The following GPC5 variants were observed in gnomAD, a reference collection of about 807,000 sequenced individuals.
GPC5 encodes the protein glypican 5.
In GPC5, 47 loss-of-function variants were observed where a neutral mutation model predicts 53.9. That is an observed-to-expected ratio of 0.87 (90% CI 0.69 to 1.11). GPC5 has a LOEUF of 1.11. GPC5 is among the 50% of genes most tolerant of loss of function. The pLI is 0.00. For synonymous variants in GPC5, 286 were observed against 263.3 expected (o/e 1.09, Z -0.84); for missense variants, 748 against 713.1 (o/e 1.05, Z -0.56).
chr13:91,831,227 G>A (rs1267946467), intron 5 of GPC5, among the ~76,000 whole-genome samples: 1 of 151,080 alleles, frequency 6.6e-6, no homozygotes, highest in Admixed American at 6.7e-5. Flanking sequence ...CCAAAACTTG[G>A]AGTCTGATGT....
chr13:92,493,117 T>G (rs1194758669), intron 7 of GPC5, among the ~76,000 whole-genome samples: 1 of 152,208 alleles, frequency 6.6e-6, no homozygotes, highest in African/African-American at 2.4e-5. Context: ...ATGACATTAT[T>G]TTTTAATGGA....
At chr13:91,772,833 CTA>C (rs1015279998) in intron 5 of GPC5, among the ~76,000 whole-genome samples, 1 of 152,184 alleles carries the variant, frequency 6.6e-6, no homozygotes, top group African/African-American at 2.4e-5. Context: ...GTCCCAGATT[CTA>C]TGTTTTAAGG....
At chr13:92,718,004 CA>C (rs1348492400) in intron 7 of GPC5, among the ~76,000 whole-genome samples, 1 of 140,780 alleles carries the variant, frequency 7.1e-6, no homozygotes, top group Non-Finnish European at 1.7e-5. Flanking sequence ...AATGAGATAT[CA>C]TCTCACCCCA....
chr13:92,004,611 A>G (rs935189043), intron 6 of GPC5, among the ~76,000 whole-genome samples: 3 of 151,334 alleles, frequency 2.0e-5, no homozygotes, highest in Admixed American at 6.6e-5. Context: ...GTCACAATTT[A>G]CATTAGTACA....
intron 7 of GPC5, among the ~76,000 whole-genome samples, chr13:92,812,276 T>C (rs569211272): frequency 9.9e-4 from 150 of 151,954 alleles, no homozygotes; most frequent in Non-Finnish European, 2.0e-3. Context: ...TTATAGTTTT[T>C]AGTATACAGT....
intron 7 of GPC5, among the ~76,000 whole-genome samples, chr13:92,589,469 A>T (rs753030785): frequency 2.0e-5 from 3 of 152,144 alleles, no homozygotes; most frequent in Non-Finnish European, 2.9e-5. Flanking sequence ...ATCCTGCCCC[A>T]TTATGCCCAA....
chr13:91,557,010 C>T (rs144933527), intron 2 of GPC5, among the ~76,000 whole-genome samples: 5 of 152,100 alleles, frequency 3.3e-5, no homozygotes, highest in Non-Finnish European at 5.9e-5. Context: ...CTGCTATGAT[C>T]GTTTGTTTAC....
At chr13:92,142,783 T>G (rs1031804489) in intron 6 of GPC5, among the ~76,000 whole-genome samples, 1 of 152,284 alleles carries the variant, frequency 6.6e-6, no homozygotes, top group South Asian at 2.1e-4. Flanking sequence ...GGAATAATTC[T>G]TAGGGAAGTA....
At chr13:91,799,818 A>C (rs915298385) in intron 5 of GPC5, among the ~76,000 whole-genome samples, 1 of 152,180 alleles carries the variant, frequency 6.6e-6, no homozygotes, top group African/African-American at 2.4e-5. Flanking sequence ...GTTCTTTTAT[A>C]TTTCAGTGTT....
chr13:92,136,479 A>G (rs190750199), intron 6 of GPC5, among the ~76,000 whole-genome samples: 1 of 152,230 alleles, frequency 6.6e-6, no homozygotes, highest in East Asian at 1.9e-4. Flanking sequence ...GGCAACACTA[A>G]TTTTCACCTA....
intron 6 of GPC5, among the ~76,000 whole-genome samples, chr13:92,104,763 T>C (rs555734688): frequency 1.3e-5 from 2 of 152,248 alleles, no homozygotes; most frequent in South Asian, 4.1e-4. Flanking sequence ...ACTGAGAGTT[T>C]TAATCCAGAT....
intron 7 of GPC5, among the ~76,000 whole-genome samples, chr13:92,722,811 T>C (rs1336413424): frequency 6.6e-6 from 1 of 151,834 alleles, no homozygotes; most frequent in Non-Finnish European, 1.5e-5. Flanking sequence ...GTCTTTTGTA[T>C]TTTTATATAC....
At chr13:92,809,198 T>C (rs551922296) in intron 7 of GPC5, among the ~76,000 whole-genome samples, 79 of 152,290 alleles carry the variant, frequency 5.2e-4, no homozygotes, top group African/African-American at 1.8e-3. Flanking sequence ...TTTTTAGCTG[T>C]GGTCACACAG....
intron 2 of GPC5, among the ~76,000 whole-genome samples, chr13:91,522,391 C>T (rs568805964): frequency 7.2e-5 from 11 of 152,264 alleles, no homozygotes; most frequent in African/African-American, 2.6e-4. Context: ...GAAATGAAGT[C>T]AAAGACCAAA....
chr13:92,028,264 A>G (rs1402915368), intron 6 of GPC5, among the ~76,000 whole-genome samples: 2 of 152,292 alleles, frequency 1.3e-5, no homozygotes, highest in South Asian at 2.1e-4. Flanking sequence ...ACACTACTAT[A>G]AATCATAAAC....
At chr13:92,449,176 A>G (rs1369519057) in intron 7 of GPC5, 2 of 152,112 alleles carry the variant, frequency 1.3e-5, no homozygotes, top group African/African-American at 4.8e-5. Context: ...TAAAGTGAAA[A>G]AGCCATACAT....
At chr13:92,327,749 T>C (rs1017906277) in intron 7 of GPC5, among the ~76,000 whole-genome samples, 3 of 152,126 alleles carry the variant, frequency 2.0e-5, no homozygotes, top group African/African-American at 7.2e-5. Context: ...TACAACGAAA[T>C]CAAAACTTTT....
intron 7 of GPC5, among the ~76,000 whole-genome samples, chr13:92,387,823 C>T (rs949400269): frequency 6.6e-6 from 1 of 152,062 alleles, no homozygotes; most frequent in African/African-American, 2.4e-5. Context: ...ATTATAACTT[C>T]TAACTCAAAC....
intron 2 of GPC5, among the ~76,000 whole-genome samples, chr13:91,597,685 C>G (rs1323559766): frequency 4.6e-5 from 7 of 152,168 alleles, no homozygotes; most frequent in Admixed American, 3.9e-4. Flanking sequence ...ATTTCTATCC[C>G]CCTTCATGGC....
Sources: gnomAD v4.1 joint callset for allele counts (sites outside exome capture counted in the v4.1 genomes callset) on GRCh38, gnomAD v4.1.1 for gene constraint, MANE v1.5 for transcripts, NCBI Gene and HGNC (gene_info 2026-07-23, HGNC 2026-07-21) for gene names.